The following SDK1 variants were observed in gnomAD, a reference collection of about 807,000 sequenced individuals.
SDK1 encodes protein sidekick-1.
SDK1 carries 157 observed loss-of-function variants against 245.5 expected under a neutral mutation model. The observed-to-expected ratio is 0.64, with a 90% CI of 0.56 to 0.73. The LOEUF (loss-of-function observed/expected upper bound fraction) is 0.73. SDK1 is among the 30% of genes least tolerant of loss of function. The pLI, the probability that SDK1 is intolerant of heterozygous loss-of-function variation, is 0.00. For synonymous variants in SDK1, 1,647 were observed against 1,278.5 expected, an observed-to-expected ratio of 1.29 and a Z score of -6.15; for missense variants, 3,583 against 3,002.3, an observed-to-expected ratio of 1.19 and a Z score of -4.52.
intron 16 of SDK1, among the ~76,000 whole-genome samples, chr7:4,015,664 A>G (rs944741376): frequency 1.3e-5 from 2 of 152,152 alleles, no homozygotes; most frequent in African/African-American, 2.4e-5. Flanking sequence ...TGATGGACAC[A>G]CTAGGAAGCC....
intron 1 of SDK1, among the ~76,000 whole-genome samples, chr7:3,540,509 A>G (rs1458037216): frequency 2.0e-5 from 3 of 152,070 alleles, no homozygotes; most frequent in African/African-American, 7.3e-5. Flanking sequence ...GCAGTTAAAG[A>G]ACCAGAGAGA....
intron 1 of SDK1, among the ~76,000 whole-genome samples, chr7:3,361,801 A>G (rs766944043): frequency 2.6e-5 from 4 of 152,222 alleles, no homozygotes; most frequent in South Asian, 2.1e-4. Context: ...TTCTCAATCA[A>G]TCAAGAATAA....
chr7:4,152,309 G>A (rs665141), intron 30 of SDK1, among the ~76,000 whole-genome samples: 20,134 of 152,260 alleles, frequency 0.13, 1,472 homozygotes, highest in Middle Eastern at 0.17. Context: ...CCTAGTGGCA[G>A]ATACCATCCT....
rs573139243 is a variant in SDK1 at position 4,090,935 on chromosome 7, G to C, written c.3324+11351G>C. 2.4e-4 allele frequency among the ~76,000 whole-genome samples: 36 copies of C among 152,214 alleles called. No homozygotes were observed. The South Asian group carries it at 6.2e-3, about 26-fold the overall frequency. On this transcript the variant is annotated intron_variant, in intron 22 of 44. Transcript: ENST00000404826. ...TATCCGAGCCCTTCTCTGGCTCCCA[G>C]TATGCTCAGTATATTTATTTTTTTG...
chr7:4,185,917 G>A (rs779942399), intron 35 of SDK1, among the ~76,000 whole-genome samples: 4 of 151,976 alleles, frequency 2.6e-5, no homozygotes, highest in African/African-American at 9.7e-5. Flanking sequence ...CCAGGCCACC[G>A]GCCCAGAAGC....
intron 1 of SDK1, among the ~76,000 whole-genome samples, chr7:3,586,704 C>CAAAAAAAAA (rs57309941): frequency 1.2e-5 from 1 of 82,188 alleles, no homozygotes. Flanking sequence ...GACTCCGTCT[C>CAAAAAAAAA]AAAAAAAAAA....
At chr7:3,466,771 C>A (rs940184163) in intron 1 of SDK1, among the ~76,000 whole-genome samples, 3 of 151,644 alleles carry the variant, frequency 2.0e-5, no homozygotes, top group Admixed American at 2.0e-4. Context: ...TCTCCCCCCA[C>A]CCCTTCTCTA....
At chr7:3,995,676 G>A (rs534630828) in intron 14 of SDK1, among the ~76,000 whole-genome samples, 5 of 152,136 alleles carry the variant, frequency 3.3e-5, no homozygotes, top group East Asian at 1.9e-4. Flanking sequence ...TCTGAGTTTC[G>A]GGTCTTCTGA....
intron 2 of SDK1, among the ~76,000 whole-genome samples, chr7:3,625,173 A>G (rs1782074208): frequency 6.6e-6 from 1 of 152,228 alleles, no homozygotes; most frequent in Non-Finnish European, 1.5e-5. Context: ...ACAATTAAAT[A>G]TAAAAAAATG....
chr7:4,267,074 G>A lies in SDK1; in HGVS notation c.*1690G>A, dbSNP rs1788513634. 1.0e-6 allele frequency: 1 copy of A among 985,416 alleles called. No homozygotes were observed. The highest frequency in any genetic ancestry group is 6.1e-5 in the Admixed American group (1 of 16,276). The allele number at this position is 985,416 out of a possible 1,614,324, so 61.0% of individuals were successfully genotyped here. A position where few individuals can be genotyped will look rare whatever the true frequency, so the allele number is the denominator to read the frequency against. On this transcript the variant is annotated 3_prime_UTR_variant, in exon 45 of 45. Coordinates refer to ENST00000404826, the MANE Select transcript of SDK1 (RefSeq NM_152744.4). ...TGGATTCTGTGCTGTCAGCGTTGCT[G>A]AGTATGGCCCCAGGAGACCAAGGAG...
At chr7:3,328,452 A>C (rs79447268) in intron 1 of SDK1, among the ~76,000 whole-genome samples, 1 of 151,988 alleles carries the variant, frequency 6.6e-6, no homozygotes, top group Non-Finnish European at 1.5e-5. Context: ...TGCTTGTATT[A>C]GTGTGGCAAG....
intron 5 of SDK1, among the ~76,000 whole-genome samples, chr7:3,849,540 G>A (rs1024257058): frequency 6.6e-6 from 1 of 152,284 alleles, no homozygotes; most frequent in African/African-American, 2.4e-5. Flanking sequence ...TATGTTCAAT[G>A]GTTGAGAGGG....
At chr7:3,891,844 ATGT>A (rs1214428350) in intron 5 of SDK1, among the ~76,000 whole-genome samples, 1 of 152,110 alleles carries the variant, frequency 6.6e-6, no homozygotes, top group Non-Finnish European at 1.5e-5. Context: ...AATCCTGAAA[ATGT>A]TGTATTTTCT....
intron 10 of SDK1, 147 bp from the exon 11 acceptor site, chr7:3,969,110 C>A (rs1451021873): frequency 3.0e-6 from 2 of 676,266 alleles, no homozygotes; most frequent in Non-Finnish European, 4.8e-6. Context: ...CCAGATTCCT[C>A]CCCCGACGTG....
intron 1 of SDK1, among the ~76,000 whole-genome samples, chr7:3,337,521 G>A (rs1403139747): frequency 6.6e-6 from 1 of 152,072 alleles, no homozygotes; most frequent in East Asian, 1.9e-4. Flanking sequence ...GTGAAAGACA[G>A]AAAGCTGTAG....
intron 9 of SDK1, among the ~76,000 whole-genome samples, chr7:3,963,867 C>T (rs1781892131): frequency 6.7e-6 from 1 of 148,894 alleles, no homozygotes; most frequent in South Asian, 2.1e-4. Context: ...CCTAAGCTCA[C>T]GGCTACCCGG....
At chr7:3,831,564 C>G (rs1007480898) in intron 5 of SDK1, among the ~76,000 whole-genome samples, 2 of 152,112 alleles carry the variant, frequency 1.3e-5, no homozygotes, top group African/African-American at 4.8e-5. Flanking sequence ...TGGTACCAAC[C>G]TCTTCAATCA....
chr7:4,060,508 T>TA (rs1461172046), intron 19 of SDK1, among the ~76,000 whole-genome samples: 2 of 152,054 alleles, frequency 1.3e-5, no homozygotes, highest in African/African-American at 4.8e-5. Context: ...TTCTTGTAAA[T>TA]TTGTTTGAGT....
chr7:3,601,275 A>G (rs950548403), intron 1 of SDK1, among the ~76,000 whole-genome samples: 3 of 152,178 alleles, frequency 2.0e-5, no homozygotes, highest in Non-Finnish European at 2.9e-5. Context: ...TTTTCTGGAC[A>G]AAATTATGTA....
Sources: allele counts gnomAD v4.1 joint callset (sites outside exome capture counted in the v4.1 genomes callset), GRCh38; gene constraint gnomAD v4.1.1; transcripts MANE v1.5; gene names NCBI Gene and HGNC (gene_info 2026-07-23, HGNC 2026-07-21).